The following MSRA variants were observed in gnomAD, a reference collection of about 807,000 sequenced individuals.
The protein encoded by MSRA is mitochondrial peptide methionine sulfoxide reductase.
MSRA carries 54 observed loss-of-function variants against 31.3 expected under a neutral mutation model. The ratio of observed to expected loss-of-function variants is 1.73; its 90% CI spans 1.39 to 2.17. The LOEUF is 2.17. Among genes scored for constraint, MSRA ranks in the 30% most tolerant of loss-of-function variants. The pLI is 0.00. For missense variants in MSRA, 507 were observed against 300.9 expected (o/e 1.69, Z -5.07); for synonymous variants, 169 against 116.5 (o/e 1.45, Z -2.90).
intron 1 of MSRA, among the ~76,000 whole-genome samples, chr8:10,088,569 T>C (rs1798687653): frequency 6.6e-6 from 1 of 152,150 alleles, no homozygotes. Context: ...ACCCCATCTC[T>C]ACTAAACATA....
At chr8:10,180,837 T>G (rs1219502137) in intron 1 of MSRA, among the ~76,000 whole-genome samples, 1 of 152,248 alleles carries the variant, frequency 6.6e-6, no homozygotes, top group African/African-American at 2.4e-5. Flanking sequence ...TGGAAGACAC[T>G]GGATTAAGAG....
intron 1 of MSRA, among the ~76,000 whole-genome samples, chr8:10,133,095 G>T (rs538401197): frequency 6.6e-6 from 1 of 152,324 alleles, no homozygotes; most frequent in Admixed American, 6.5e-5. Context: ...ATTGGACTTG[G>T]GTGCTCTGGG....
In MSRA at chr8:10,215,658, A is replaced by G. The variant is rs560621009; in HGVS notation, c.211+7757A>G. 4.1e-4 allele frequency among the ~76,000 whole-genome samples: 62 copies of G among 152,202 alleles called. 1 individual carries two copies. The highest frequency in any genetic ancestry group is 6.9e-4 in the Non-Finnish European group (47 of 68,034). On this transcript the variant is annotated intron_variant, in intron 2 of 5. Coordinates refer to ENST00000317173, the MANE Select transcript of MSRA (RefSeq NM_012331.5). ...TGGGTACTGAGAAGCCCATGTTATT[A>G]AACTCTCTATCAGGCTCACTCTCAC... is the stretch of plus-strand genomic sequence containing the variant.
At chr8:10,274,055 C>T (rs1036633954) in intron 3 of MSRA, among the ~76,000 whole-genome samples, 5 of 152,098 alleles carry the variant, frequency 3.3e-5, no homozygotes, top group Non-Finnish European at 5.9e-5. Flanking sequence ...TGTGTCCCTC[C>T]GGCGCCCTCT....
chr8:10,337,081 C>G (rs1007410514), intron 5 of MSRA: 1 of 152,246 alleles, frequency 6.6e-6, no homozygotes, highest in Admixed American at 6.5e-5. Flanking sequence ...TTCACATCAC[C>G]TGTCTGCAAA....
Position 10,331,597 on chromosome 8 carries a change from C to G in MSRA, c.543+11608C>G, listed in dbSNP as rs143032844. On this transcript the variant is annotated intron_variant, in intron 5 of 5. Coordinates refer to ENST00000317173, the MANE Select transcript of MSRA (RefSeq NM_012331.5). ...GTCATTTGACACTGAATTCCATAAGCTTTTCACCCATGCTGTGTGGCGATA... is the reference window on the plus strand; with the variant it reads ...GTCATTTGACACTGAATTCCATAAGGTTTTCACCCATGCTGTGTGGCGATA... Among the ~76,000 whole-genome samples the G allele has an allele frequency of 1.0e-3, 154 of 152,282 alleles. 2 individuals carry two copies. The East Asian group carries it at 0.028, about 27-fold the overall frequency.
intron 1 of MSRA, among the ~76,000 whole-genome samples, chr8:10,075,624 T>G (rs552362076): frequency 1.3e-5 from 2 of 152,326 alleles, no homozygotes; most frequent in African/African-American, 4.8e-5. Context: ...TTATCTGCAG[T>G]TTCCCCAAGG....
chr8:10,186,177 C>G (rs373039625), intron 1 of MSRA, among the ~76,000 whole-genome samples: 9 of 152,170 alleles, frequency 5.9e-5, no homozygotes, highest in Admixed American at 4.6e-4. Flanking sequence ...ATGTATTCAC[C>G]TCTTCACTGA....
intron 1 of MSRA, among the ~76,000 whole-genome samples, chr8:10,089,366 C>G (rs1009735634): frequency 6.6e-6 from 1 of 152,206 alleles, no homozygotes; most frequent in South Asian, 2.1e-4. Context: ...TTCATTTTCA[C>G]CTCCTCTTTG....
chr8:10,274,321 A>G (rs1001053906), intron 3 of MSRA, among the ~76,000 whole-genome samples: 2 of 152,174 alleles, frequency 1.3e-5, no homozygotes, highest in Non-Finnish European at 2.9e-5. Flanking sequence ...GAGGGAGGGA[A>G]GACATCATTA....
intron 3 of MSRA, among the ~76,000 whole-genome samples, chr8:10,271,196 A>G (rs1799017872): frequency 1.3e-5 from 2 of 152,144 alleles, no homozygotes; most frequent in Admixed American, 6.5e-5. Flanking sequence ...ATGTCACTAT[A>G]TCAATGATAC....
intron 5 of MSRA, among the ~76,000 whole-genome samples, chr8:10,351,100 A>G (rs1804105261): frequency 6.6e-6 from 1 of 152,172 alleles, no homozygotes; most frequent in South Asian, 2.1e-4. Context: ...CGTCCTGCCA[A>G]GTGCAACCTG....
chr8:10,342,095 T>C (rs1803463313), intron 5 of MSRA, among the ~76,000 whole-genome samples: 2 of 152,224 alleles, frequency 1.3e-5, no homozygotes, highest in Admixed American at 1.3e-4. Context: ...GTTAAAAATA[T>C]CTGGTTAGTA....
intron 1 of MSRA, among the ~76,000 whole-genome samples, chr8:10,204,239 T>G (rs747421408): frequency 6.6e-6 from 1 of 152,196 alleles, no homozygotes; most frequent in African/African-American, 2.4e-5. Context: ...TAATTTAGTA[T>G]TGAAGAAAGA....
Position 10,319,993 on chromosome 8 carries a change from G to C in MSRA, c.543+4G>C. The C allele has an allele frequency of 6.3e-7, 1 of 1,590,240 alleles. No individual in the cohort carries two copies. The highest frequency in any genetic ancestry group is 8.6e-7 in the Non-Finnish European group (1 of 1,166,910). ...CTCCAAAGAGAACTACCAAAAGGTA[G>C]GGATTGCTGGGCTCCTAGCCCCTGG... On this transcript the variant is annotated splice_donor_region_variant and intron_variant, in intron 5 of 5. Transcript: ENST00000317173.
At chr8:10,258,570 C>T (rs143680220) in intron 3 of MSRA, among the ~76,000 whole-genome samples, 3 of 152,186 alleles carry the variant, frequency 2.0e-5, no homozygotes, top group African/African-American at 7.2e-5. Flanking sequence ...CTGAGGATCC[C>T]ACTGGAAAGT....
intron 5 of MSRA, among the ~76,000 whole-genome samples, chr8:10,418,035 G>C (rs1343158871): frequency 2.6e-5 from 4 of 152,082 alleles, no homozygotes; most frequent in Non-Finnish European, 5.9e-5. Context: ...CCTCTTAGAA[G>C]CCCGACCCTA....
At chr8:10,347,207 G>T (rs890490295) in intron 5 of MSRA, among the ~76,000 whole-genome samples, 7 of 152,180 alleles carry the variant, frequency 4.6e-5, no homozygotes, top group Admixed American at 2.6e-4. Flanking sequence ...CTTGCACCGT[G>T]TCTGGCTCCA....
intron 5 of MSRA, among the ~76,000 whole-genome samples, chr8:10,412,143 G>A (rs1049507053): frequency 1.3e-5 from 2 of 152,256 alleles, no homozygotes; most frequent in African/African-American, 4.8e-5. Context: ...ATTGATGAAT[G>A]ATAGTGAATA....
Sources: gnomAD v4.1 joint callset for allele counts (sites outside exome capture counted in the v4.1 genomes callset) on GRCh38, gnomAD v4.1.1 for gene constraint, MANE v1.5 for transcripts, NCBI Gene and HGNC (gene_info 2026-07-23, HGNC 2026-07-21) for gene names.